Variants in TRAPPC3 observed in about 807,000 individuals in gnomAD.
TRAPPC3 encodes the protein trafficking protein particle complex subunit 3, also known as trafficking protein particle complex 3.
In TRAPPC3, 5 loss-of-function variants were observed where a neutral mutation model predicts 18.2. That is an observed-to-expected ratio of 0.28 (90% confidence interval 0.14 to 0.58). TRAPPC3 has a LOEUF of 0.58. TRAPPC3 is among the 20% of genes least tolerant of loss of function. The pLI is 0.91. For synonymous variants in TRAPPC3, 65 were observed against 84.2 expected (o/e 0.77, Z 1.25); for missense variants, 176 against 225.9 (o/e 0.78, Z 1.41).
chr1:36,145,104 C>T (rs1644172987), intron 1 of TRAPPC3, among the ~76,000 whole-genome samples: 1 of 152,084 alleles, frequency 6.6e-6, no homozygotes, highest in Admixed American at 6.5e-5. Flanking sequence ...TCACTGCAAG[C>T]TCTGCCTCCC....
At chr1:36,155,546 G>A (rs1353929162) in intron 1 of TRAPPC3, 1 of 152,524 alleles carries the variant, frequency 6.6e-6, no homozygotes, top group Non-Finnish European at 1.5e-5. Context: ...AGCTGCGCAG[G>A]GCTGTAATTA....
Position 36,149,398 on chromosome 1 carries a change from C to T in TRAPPC3, c.-20G>A. 1 of 1,612,416 alleles carries T rather than the reference C, an allele frequency of 6.2e-7. No homozygotes were observed. The highest frequency in any genetic ancestry group is 8.5e-7 in the Non-Finnish European group (1 of 1,179,694). On this transcript the variant is annotated 5_prime_UTR_variant, in exon 1 of 5. Transcript: ENST00000373166. ...CGACATGGTGCCGGCCGCCCCGCCCCACTCGCCTAGCCACGGGTTAGCTCG... is the reference window on the plus strand; with the variant it reads ...CGACATGGTGCCGGCCGCCCCGCCCTACTCGCCTAGCCACGGGTTAGCTCG...
At chr1:36,145,153 C>T (rs1372433979) in intron 1 of TRAPPC3, among the ~76,000 whole-genome samples, 6 of 151,980 alleles carry the variant, frequency 3.9e-5, no homozygotes, top group Admixed American at 6.6e-5. Flanking sequence ...TCCCGAGTAG[C>T]TGGGACTACA....
At position 36,141,688 on chromosome 1, in the gene TRAPPC3, G is replaced by A. The variant is rs193109979; in HGVS notation, c.43-1522C>T. ...GAATGTGCCCAAGGAGGCTGGGCGCGGTGGCTCACGCCTGTAATCCCAGCA... is the reference window on the plus strand; with the variant it reads ...GAATGTGCCCAAGGAGGCTGGGCGCAGTGGCTCACGCCTGTAATCCCAGCA... On this transcript the variant is annotated intron_variant, in intron 1 of 4. Coordinates refer to ENST00000373166, the MANE Select transcript of TRAPPC3 (RefSeq NM_014408.5). Among the ~76,000 whole-genome samples, 11 of 151,344 alleles carry A rather than the reference G, an allele frequency of 7.3e-5. No homozygotes were observed. The East Asian group carries it at 2.0e-3, about 27-fold the overall frequency.
chr1:36,138,165 T>C (rs766817428), intron 3 of TRAPPC3, 187 bp from the exon 4 acceptor site: 1 of 1,551,402 alleles, frequency 6.4e-7, no homozygotes, highest in South Asian at 1.2e-5. Context: ...ACCCCTCTCC[T>C]TCACGGCATC....
upstream of TRAPPC3, among the ~76,000 whole-genome samples, chr1:36,151,427 A>T (rs1303364407): frequency 6.6e-6 from 1 of 151,980 alleles, no homozygotes; most frequent in Non-Finnish European, 1.5e-5. Context: ...TTACTTTTTT[A>T]ACAAAAATAA....
In TRAPPC3 at chr1:36,140,168, TAA is replaced by T; in HGVS notation, c.43-4_43-3del. 6.4e-7 allele frequency: 1 copy of T among 1,571,006 alleles called. No homozygotes were observed. On this transcript the variant is annotated splice_region_variant and splice_polypyrimidine_tract_variant and intron_variant, in intron 1 of 4. Coordinates refer to ENST00000373166, the MANE Select transcript of TRAPPC3 (RefSeq NM_014408.5). Reference sequence around the variant, plus strand: ...GGTCAGGGTGAAGAGCTCAGAGCTCTAAAAGAGATTCAAAAGGCAGTCAGGAC... The same window carrying T: ...GGTCAGGGTGAAGAGCTCAGAGCTCTAAGAGATTCAAAAGGCAGTCAGGAC...
chr1:36,137,345 AG>A, intron 4 of TRAPPC3, 23 bp from the exon 5 acceptor site: 2 of 1,599,390 alleles, frequency 1.3e-6, no homozygotes, highest in Non-Finnish European at 1.7e-6. Flanking sequence ...GGGAAAACGA[AG>A]GGGTAGCTGC....
intron 1 of TRAPPC3, among the ~76,000 whole-genome samples, chr1:36,142,808 T>G (rs1428826316): frequency 5.9e-5 from 9 of 152,068 alleles, no homozygotes; most frequent in Non-Finnish European, 1.2e-4. Context: ...GGCAGAAGGA[T>G]CACTCGAGCC....
In TRAPPC3 at chr1:36,149,477, G is replaced by C; in HGVS notation, c.-99C>G. 2.7e-6 allele frequency: 4 copies of C among 1,462,832 alleles called. No homozygotes were observed. The South Asian group carries it at 4.7e-5, about 17-fold the overall frequency. The allele number at this position is 1,462,832 out of a possible 1,614,324, so 90.6% of individuals were successfully genotyped here. A position where few individuals can be genotyped will look rare whatever the true frequency, so the allele number is the denominator to read the frequency against. ...CCGCTGCCCCTCAGCCCACAAGACC[G>C]ACCGGCACTGACTCACTGCGCCTGC... is the stretch of plus-strand genomic sequence containing the variant. On this transcript the variant is annotated 5_prime_UTR_variant, in exon 1 of 5. Transcript: ENST00000373166.
intron 4 of TRAPPC3, 154 bp from the exon 5 acceptor site, chr1:36,137,476 A>T: frequency 4.0e-6 from 3 of 756,866 alleles, no homozygotes; most frequent in Non-Finnish European, 4.2e-6. Flanking sequence ...ATTCTGTTGC[A>T]TAAGACAATG....
chr1:36,149,190 G>A (rs1644245182), intron 1 of TRAPPC3, 147 bp downstream of exon 1: 4 of 1,487,986 alleles, frequency 2.7e-6, no homozygotes, highest in Non-Finnish European at 2.7e-6. Context: ...TGCCTGGAAC[G>A]CCCCCGGAGT....
chr1:36,153,027 C>T (rs1178241998), upstream of TRAPPC3, among the ~76,000 whole-genome samples: 1 of 152,220 alleles, frequency 6.6e-6, no homozygotes, highest in African/African-American at 2.4e-5. Context: ...AAAGGAACAG[C>T]TCACTCATGC....
At chr1:36,137,681 C>T in intron 4 of TRAPPC3, 115 bp downstream of exon 4, 1 of 1,072,612 alleles carries the variant, frequency 9.3e-7, no homozygotes, top group South Asian at 1.6e-5. Context: ...CCATCTCAGG[C>T]AGTAAAGCGC....
At chr1:36,145,610 C>T (rs2124164049) in intron 1 of TRAPPC3, among the ~76,000 whole-genome samples, 1 of 152,248 alleles carries the variant, frequency 6.6e-6, no homozygotes, top group Non-Finnish European at 1.5e-5. Flanking sequence ...AGCCAACCCC[C>T]GTACAGGCAC....
chr1:36,139,862 G>A, intron 2 of TRAPPC3, 43 bp from the exon 3 acceptor site: 3 of 1,609,732 alleles, frequency 1.9e-6, no homozygotes, highest in Non-Finnish European at 2.5e-6. Flanking sequence ...GAGTCTAAAT[G>A]TCTTATGTTT....
At chr1:36,149,282 T>C (rs1644246618) in intron 1 of TRAPPC3, 55 bp downstream of exon 1, 3 of 1,611,690 alleles carry the variant, frequency 1.9e-6, no homozygotes, top group African/African-American at 1.3e-5. Context: ...GCCGGGCCCC[T>C]TCCCTGTACG....
upstream of TRAPPC3, among the ~76,000 whole-genome samples, chr1:36,152,744 G>A (rs1020550615): frequency 3.3e-5 from 5 of 151,278 alleles, no homozygotes; most frequent in Non-Finnish European, 5.9e-5. Context: ...TTGACCTTCC[G>A]GGCTCAAGTG....
intron 1 of TRAPPC3, 124 bp from the exon 2 acceptor site, chr1:36,140,290 T>C: frequency 1.6e-6 from 1 of 608,366 alleles, no homozygotes; most frequent in Non-Finnish European, 2.7e-6. Flanking sequence ...GGAAAGAACA[T>C]CATCCCCTTT....
Sources: gnomAD v4.1 joint callset for allele counts (sites outside exome capture counted in the v4.1 genomes callset) on GRCh38, gnomAD v4.1.1 for gene constraint, MANE v1.5 for transcripts, NCBI Gene and HGNC (gene_info 2026-07-23, HGNC 2026-07-21) for gene names.